NFKBIL1: variants seen among roughly 807,000 people sequenced by gnomAD.
NFKBIL1 encodes NF-kappa-B inhibitor-like protein 1.
A neutral mutation model predicts 45.4 loss-of-function variants in NFKBIL1; 30 were observed. The ratio of observed to expected loss-of-function variants is 0.66; its 90% CI spans 0.49 to 0.90. The LOEUF (loss-of-function observed/expected upper bound fraction) is 0.90, where lower values mean the gene tolerates loss of function less well. Ranked by LOEUF, NFKBIL1 falls within the 40% of genes least tolerant of loss-of-function variation. NFKBIL1 has a pLI of 0.00. For synonymous variants in NFKBIL1, 179 were observed against 197.3 expected (o/e 0.91, Z 0.78); for missense variants, 434 against 513.4 (o/e 0.85, Z 1.49).
At position 31,558,180 on chromosome 6, in the gene NFKBIL1, CAGG is replaced by C; in HGVS notation, c.724_726del (p.Glu242del). The C allele has an allele frequency of 6.2e-7, 1 of 1,609,444 alleles. No individual in the cohort carries two copies. The highest frequency in any genetic ancestry group is 8.5e-7 in the Non-Finnish European group (1 of 1,178,510). On this transcript the variant is annotated inframe_deletion, in exon 4 of 4. Coordinates refer to ENST00000376148, the MANE Select transcript of NFKBIL1 (RefSeq NM_005007.4). This position sits in a 1 kb window ranked among gnomAD's most constrained non-coding sequence, Gnocchi z 7.2. ...GGGCTCCAGCCAGAGCTGGCGACAG[CAGG>C]AGGAGGAGCAGCGGCTCTTCAGGGA... is the stretch of plus-strand genomic sequence containing the variant.
At position 31,557,195 on chromosome 6, in the gene NFKBIL1, C is replaced by T. The variant is rs1339550912; in HGVS notation, c.335-433C>T. ...CGATCTCGGCTTACTACAAGCTCCA[C>T]CTCCCGGGTTCACATCATTCTCCTG... On this transcript the variant is annotated intron_variant, in intron 2 of 3. Coordinates refer to ENST00000376148, the MANE Select transcript of NFKBIL1 (RefSeq NM_005007.4). This position sits in a 1 kb window ranked among gnomAD's most constrained non-coding sequence, Gnocchi z 5.4. Among the ~76,000 whole-genome samples the T allele has an allele frequency of 6.6e-6, 1 of 151,696 alleles. No individual in the cohort carries two copies. Among genetic ancestry groups the T allele is most frequent in the Non-Finnish European group, 1.5e-5 (1 of 67,966 alleles).
At chr6:31,550,380 G>A (rs11751074) in intron 2 of NFKBIL1, among the ~76,000 whole-genome samples, 5,963 of 128,256 alleles carry the variant, frequency 0.046, 217 homozygotes, top group South Asian at 0.16. Flanking sequence ...ATAGACAGAA[G>A]GCCCCTCCCC....
chr6:31,556,969 T>C (rs1047881302), intron 2 of NFKBIL1, among the ~76,000 whole-genome samples: 1 of 152,222 alleles, frequency 6.6e-6, no homozygotes, highest in Non-Finnish European at 1.5e-5. Context: ...ATAGTGACAA[T>C]ATTTTTAAGT....
chr6:31,552,400 G>A (rs7749930), intron 2 of NFKBIL1, among the ~76,000 whole-genome samples: 8,392 of 152,120 alleles, frequency 0.055, 335 homozygotes, highest in Middle Eastern at 0.13. Flanking sequence ...AGCCTCCCAA[G>A]TAGCTGGGAC....
chr6:31,558,313 A>G lies in NFKBIL1; in HGVS notation c.848A>G (p.Glu283Gly). 1.3e-6 allele frequency: 2 copies of G among 1,579,052 alleles called. No individual in the cohort carries two copies. Among genetic ancestry groups the G allele is most frequent in the Non-Finnish European group, 1.7e-6 (2 of 1,161,922 alleles). Residue 283 changes from glutamate (E) to glycine (G), a missense_variant, in exon 4 of 4, where the codon GAA (glutamate) becomes GGA (glycine). Physicochemically the swap from Glu to Gly is moderately conservative, Grantham distance 98. Transcript: ENST00000376148. The surrounding 1 kb of genome is among the most constrained non-coding windows in gnomAD (Gnocchi z 7.2). ...AAGCCAACCAGGGCCGGGCCCAGGG[A>G]AGAGCACCCCAGAGGAGCGGGGAGG... ...EPKPTRAGPR[E>G]EHPRGAGRGS... is the part of the protein sequence containing the mutation.
chr6:31,550,350 T>C (rs1002059371), intron 2 of NFKBIL1, among the ~76,000 whole-genome samples: 6 of 151,406 alleles, frequency 4.0e-5, no homozygotes, highest in African/African-American at 1.5e-4. Context: ...TGAACAACCC[T>C]AACATCCCCC....
chr6:31,553,221 T>C (rs1029304047), intron 2 of NFKBIL1, among the ~76,000 whole-genome samples: 1 of 146,816 alleles, frequency 6.8e-6, no homozygotes, highest in African/African-American at 2.5e-5. Flanking sequence ...TTTGTAGAGA[T>C]GGGGGTTTCA....
At chr6:31,555,243 T>C (rs11756780) in intron 2 of NFKBIL1, among the ~76,000 whole-genome samples, 9 of 137,738 alleles carry the variant, frequency 6.5e-5, no homozygotes, top group Non-Finnish European at 8.0e-5. Flanking sequence ...TTCTTTTTTT[T>C]TTTTTTTTTT....
chr6:31,558,568 C>T lies in NFKBIL1; in HGVS notation c.1103C>T (p.Ala368Val), dbSNP rs1769917213. Reference sequence around the variant, plus strand: ...GGCCGTGTGATGGGAGCAGTGACAGCCCTTTCTCAGGCCCTGAATCGCCAT... The same window carrying T: ...GGCCGTGTGATGGGAGCAGTGACAGTCCTTTCTCAGGCCCTGAATCGCCAT... Reference protein sequence around the residue: ...ELGRVMGAVTALSQALNRHAE... With the variant: ...ELGRVMGAVTVLSQALNRHAE... The change falls in exon 4 of 4, where the codon GCC (alanine) becomes GTC (valine). Residue 368 changes from alanine (A) to valine (V), a missense_variant. By Grantham distance (64) the Ala-to-Val change is moderately conservative. Coordinates refer to ENST00000376148, the MANE Select transcript of NFKBIL1 (RefSeq NM_005007.4). The surrounding 1 kb of genome is among the most constrained non-coding windows in gnomAD (Gnocchi z 7.2). 1.3e-6 allele frequency: 2 copies of T among 1,563,214 alleles called. No individual in the cohort carries two copies. Among genetic ancestry groups the T allele is most frequent in the South Asian group, 1.2e-5 (1 of 85,012 alleles).
chr6:31,558,465 T>C lies in NFKBIL1; in HGVS notation c.1000T>C (p.Leu334=), dbSNP rs1386791957. The C allele has an allele frequency of 1.9e-6, 3 of 1,551,378 alleles. No individual in the cohort carries two copies. Among genetic ancestry groups the C allele is most frequent in the East Asian group, 4.9e-5 (2 of 41,072 alleles). ...GGAACAGGGGGCTCTGAGGAGGTACTTGAGGGTCCAGCAGGTCCGCTGGCA... is the reference window on the plus strand; with the variant it reads ...GGAACAGGGGGCTCTGAGGAGGTACCTGAGGGTCCAGCAGGTCCGCTGGCA... The part of the protein sequence containing the change: ...LEEQGALRRY[L]RVQQVRWHPD... Residue 334 remains leucine (L), a synonymous_variant, in exon 4 of 4, where the codon TTG becomes CTG. Coordinates refer to ENST00000376148, the MANE Select transcript of NFKBIL1 (RefSeq NM_005007.4). This position sits in a 1 kb window ranked among gnomAD's most constrained non-coding sequence, Gnocchi z 7.2.
In NFKBIL1 at chr6:31,558,280, G is replaced by C. The variant is rs1279856981; in HGVS notation, c.815G>C (p.Arg272Pro). The change falls in exon 4 of 4, where the codon CGA (arginine) becomes CCA (proline). Residue 272 changes from arginine to proline, a missense_variant. By Grantham distance (103) the Arg-to-Pro change is moderately radical. Around this residue, in one of 4 missense-constraint regions of NFKBIL1, gnomAD observed 128 missense variants for 106.5 expected, o/e 1.20. Coordinates refer to ENST00000376148, the MANE Select transcript of NFKBIL1 (RefSeq NM_005007.4). This position sits in a 1 kb window ranked among gnomAD's most constrained non-coding sequence, Gnocchi z 7.2. ...AGGGCGCAGGAGGCTCTAGGGGACC[G>C]AGAACCCAAGCCAACCAGGGCCGGG... ...ARRAQEALGD[R>P]EPKPTRAGPR... 1 of 1,586,200 alleles carries C rather than the reference G, an allele frequency of 6.3e-7. No individual in the cohort carries two copies. Among genetic ancestry groups the C allele is most frequent in the Non-Finnish European group, 8.6e-7 (1 of 1,166,238 alleles).
chr6:31,548,258 C>T lies in NFKBIL1; in HGVS notation c.153C>T (p.Ala51=). 1 of 1,613,014 alleles carries T rather than the reference C, an allele frequency of 6.2e-7. No individual in the cohort carries two copies. Among genetic ancestry groups the T allele is most frequent in the Non-Finnish European group, 8.5e-7 (1 of 1,180,026 alleles). ...CAGGACGGCTGGTCCGGGCCCAGGC[C>T]CTCCTCCAGCGACACCCAGGCCTCG... ...LSAGRLVRAQ[A]LLQRHPGLDV... Residue 51 remains alanine, a synonymous_variant, in exon 2 of 4, where the codon GCC becomes GCT. Coordinates refer to ENST00000376148, the MANE Select transcript of NFKBIL1 (RefSeq NM_005007.4).
intron 1 of NFKBIL1, 107 bp from the exon 2 acceptor site, chr6:31,548,056 T>TA (rs1562444510): frequency 2.1e-6 from 3 of 1,445,296 alleles, no homozygotes; most frequent in Admixed American, 2.0e-5. Context: ...CTGAAGATAT[T>TA]AAAAAAAGAC....
chr6:31,548,991 T>C (rs112731727), intron 2 of NFKBIL1, among the ~76,000 whole-genome samples: 1 of 152,228 alleles, frequency 6.6e-6, no homozygotes, highest in Non-Finnish European at 1.5e-5. Context: ...AGAAGTCATT[T>C]GCCAGAGTTA....
rs1435233936 is a variant in NFKBIL1, at chr6:31,548,377, C to G, written c.272C>G (p.Pro91Arg). 4 of 1,568,708 alleles carry G rather than the reference C, an allele frequency of 2.5e-6. No homozygotes were observed. In the East Asian group the frequency reaches 6.8e-5, roughly 26 times the overall value. Residue 91 changes from proline (P) to arginine (R), a missense_variant, in exon 2 of 4, where the codon CCT (proline) becomes CGT (arginine). Physicochemically the swap from Pro to Arg is moderately radical, Grantham distance 103. This residue lies in a region of NFKBIL1 where 231 missense variants were observed against 264.1 expected (regional missense o/e 0.87). Coordinates refer to ENST00000376148, the MANE Select transcript of NFKBIL1 (RefSeq NM_005007.4). ...CTGCTGCTTCGGCTCGGGGCTGACCCTGCCCACCAGGACCGCCATGGGGAC... is the reference window on the plus strand; with the variant it reads ...CTGCTGCTTCGGCTCGGGGCTGACCGTGCCCACCAGGACCGCCATGGGGAC... The part of the protein sequence containing the change: ...LCLLLRLGAD[P>R]AHQDRHGDTA...
At position 31,558,083 on chromosome 6, in the gene NFKBIL1, C is replaced by T. The variant is rs1381717955; in HGVS notation, c.618C>T (p.Ala206=). Residue 206 remains alanine (A), a synonymous_variant, in exon 4 of 4, where the codon GCC becomes GCT. Transcript: ENST00000376148. The surrounding 1 kb of genome is among the most constrained non-coding windows in gnomAD (Gnocchi z 7.2). ...ESFSAWSDRL[A]REHAQKCQQQ... ...TCTCAGCCTGGTCAGATCGCCTGGC[C>T]CGGGAACATGCCCAGAAGTGCCAGC... The T allele has an allele frequency of 5.0e-6, 8 of 1,612,524 alleles. 1 individual carries two copies. In the African/African-American group the frequency reaches 1.1e-4, roughly 21 times the overall value.
chr6:31,558,238 G>T lies in NFKBIL1; in HGVS notation c.773G>T (p.Arg258Leu). 1.3e-6 allele frequency: 2 copies of T among 1,594,310 alleles called. No individual in the cohort carries two copies. The highest frequency in any genetic ancestry group is 1.1e-5 in the South Asian group (1 of 88,494). ...ERARAKEEEL[R>L]ESRARRAQEA... ...GCCCGGGCCAAGGAGGAAGAGCTGC[G>T]TGAGAGCCGAGCCAGGAGGGCGCAG... The change falls in exon 4 of 4, where the codon CGT becomes CTT. Residue 258 changes from arginine (R) to leucine (L), a missense_variant. Arg to Leu is a moderately radical substitution (Grantham distance 102). Around this residue, in one of 4 missense-constraint regions of NFKBIL1, gnomAD observed 128 missense variants for 106.5 expected, o/e 1.20. Coordinates refer to ENST00000376148, the MANE Select transcript of NFKBIL1 (RefSeq NM_005007.4). The surrounding 1 kb of genome is among the most constrained non-coding windows in gnomAD (Gnocchi z 7.2).
In NFKBIL1 at chr6:31,553,060, G is replaced by A. The variant is rs138650885; in HGVS notation, c.335-4568G>A. Among the ~76,000 whole-genome samples, 892 of 129,546 alleles carry A rather than the reference G, an allele frequency of 6.9e-3. 7 individuals are homozygous for A. In the Middle Eastern group the frequency reaches 0.08, roughly 12 times the overall value. The allele number at this position is 129,546 out of a possible 152,430, so 85.0% of individuals were successfully genotyped here. A position where few individuals can be genotyped will look rare whatever the true frequency, so the allele number is the denominator to read the frequency against. ...TGAACTTTTTTTTTTTTTTTTTTCC[G>A]AGACAGAGTCTCGCTGTGTCACCCA... On this transcript the variant is annotated intron_variant, in intron 2 of 3. Coordinates refer to ENST00000376148, the MANE Select transcript of NFKBIL1 (RefSeq NM_005007.4).
At chr6:31,555,720 G>A (rs1030605284) in intron 2 of NFKBIL1, among the ~76,000 whole-genome samples, 11 of 135,200 alleles carry the variant, frequency 8.1e-5, no homozygotes. Flanking sequence ...GGTTCAAGCA[G>A]TTCTCTGCCT....
Sources: gnomAD v4.1 joint callset for allele counts (sites outside exome capture counted in the v4.1 genomes callset) on GRCh38, gnomAD v4.1.1 for gene constraint, gnomAD v4.1.1 regional missense constraint, Gnocchi (gnomAD v3.1) non-coding constraint, MANE v1.5 for transcripts, NCBI Gene and HGNC (gene_info 2026-07-23, HGNC 2026-07-21) for gene names.